The following SLC39A8 variants were observed in gnomAD, a reference collection of about 807,000 sequenced individuals.
The protein encoded by SLC39A8 is metal cation symporter ZIP8.
A neutral mutation model predicts 40.4 loss-of-function variants in SLC39A8; 15 were observed. The observed-to-expected ratio is 0.37, with a 90% CI of 0.25 to 0.57. The LOEUF (loss-of-function observed/expected upper bound fraction) is 0.57. SLC39A8 is among the 20% of genes least tolerant of loss of function. The probability of loss-of-function intolerance (pLI) is 0.75; values close to 1 mark genes in which losing one functional copy is unlikely to be tolerated. For synonymous variants in SLC39A8, 223 were observed against 221.6 expected (o/e 1.01, Z -0.06); for missense variants, 472 against 558.8 (o/e 0.84, Z 1.57).
chr4:102,258,408 G>T (rs1731762876), downstream of SLC39A8, among the ~76,000 whole-genome samples: 1 of 152,124 alleles, frequency 6.6e-6, no homozygotes, highest in Non-Finnish European at 1.5e-5. Flanking sequence ...GAAACTTGGG[G>T]TGGCACAATG....
At chr4:102,327,260 C>CA (rs1336388920) in intron 2 of SLC39A8, among the ~76,000 whole-genome samples, 1 of 152,048 alleles carries the variant, frequency 6.6e-6, no homozygotes, top group Non-Finnish European at 1.5e-5. Flanking sequence ...GACCCTGTCT[C>CA]AAAAAAATTG....
At chr4:102,258,600 T>C (rs116625317), downstream of SLC39A8, among the ~76,000 whole-genome samples, 1,598 of 152,350 alleles carry the variant, frequency 0.01, 28 homozygotes, top group African/African-American at 0.036. Flanking sequence ...TACTCCCCAC[T>C]GTTCACTAAT....
chr4:102,331,328 G>T (rs1735451430), intron 2 of SLC39A8, among the ~76,000 whole-genome samples: 1 of 152,190 alleles, frequency 6.6e-6, no homozygotes, highest in South Asian at 2.1e-4. Flanking sequence ...AGCAGTCTCA[G>T]GATACAGAAT....
chr4:102,286,657 T>C (rs1733195874), intron 6 of SLC39A8, among the ~76,000 whole-genome samples: 1 of 152,156 alleles, frequency 6.6e-6, no homozygotes, highest in Admixed American at 6.6e-5. Flanking sequence ...ATTGAGAAGC[T>C]TTAGGTGCAA....
intron 8 of SLC39A8, among the ~76,000 whole-genome samples, chr4:102,264,176 AG>A (rs1731989247): frequency 6.6e-6 from 1 of 152,190 alleles, no homozygotes; most frequent in Non-Finnish European, 1.5e-5. Context: ...CAGCAACTAG[AG>A]ACTTACAAAT....
At chr4:102,310,531 C>A (rs1032872454) in intron 3 of SLC39A8, among the ~76,000 whole-genome samples, 2 of 152,148 alleles carry the variant, frequency 1.3e-5, no homozygotes, top group Non-Finnish European at 2.9e-5. Context: ...AAATACCAAT[C>A]GATCTGCTTA....
chr4:102,316,234 T>C (rs900211058), intron 2 of SLC39A8, among the ~76,000 whole-genome samples: 4 of 152,182 alleles, frequency 2.6e-5, no homozygotes, highest in African/African-American at 9.6e-5. Context: ...GTCACTGGCA[T>C]GGCTCTCTAT....
intron 6 of SLC39A8, among the ~76,000 whole-genome samples, chr4:102,298,461 A>G (rs1733770296): frequency 6.6e-6 from 1 of 152,034 alleles, no homozygotes; most frequent in Non-Finnish European, 1.5e-5. Context: ...AGATCAGTGG[A>G]AATCATTTCT....
chr4:102,267,857 A>G lies in SLC39A8; in HGVS notation c.1048+15T>C. On this transcript the variant is annotated intron_variant, in intron 7 of 8. Transcript: ENST00000356736. ...GAAGTAAGCAGACTTTTACAATATG[A>G]ACAGAGCTCCTTACCTAACTCGTGG... 6.2e-7 allele frequency: 1 copy of G among 1,613,126 alleles called. No homozygotes were observed. Among genetic ancestry groups the G allele is most frequent in the Non-Finnish European group, 8.5e-7 (1 of 1,179,434 alleles).
At chr4:102,295,566 G>A (rs988814070) in intron 6 of SLC39A8, among the ~76,000 whole-genome samples, 2 of 151,962 alleles carry the variant, frequency 1.3e-5, no homozygotes, top group African/African-American at 4.8e-5. Context: ...GTTTAAGATA[G>A]GGTCTCACTG....
In SLC39A8 at chr4:102,263,052, A is replaced by G. The variant is rs1731936599; in HGVS notation, c.1375T>C (p.Leu459=). 2.5e-6 allele frequency: 4 copies of G among 1,607,240 alleles called. No homozygotes were observed. The highest frequency in any genetic ancestry group is 3.4e-6 in the Non-Finnish European group (4 of 1,176,068). Reference sequence around the variant, plus strand: ...CCATCTTCCATTTTCTATTACTCCAATTCGATTTCTCCTGCATACAAGGTA... The same window carrying G: ...CCATCTTCCATTTTCTATTACTCCAGTTCGATTTCTCCTGCATACAAGGTA... ...LITLYAGEIE[L]E The change falls in exon 9 of 9, where the codon TTG becomes CTG. Residue 459 remains leucine, a synonymous_variant. Coordinates refer to ENST00000356736, the MANE Select transcript of SLC39A8 (RefSeq NM_001135146.2).
chr4:102,261,061 C>G (rs908969501), downstream of SLC39A8, among the ~76,000 whole-genome samples: 1 of 152,226 alleles, frequency 6.6e-6, no homozygotes, highest in Non-Finnish European at 1.5e-5. Flanking sequence ...CAATCCAACA[C>G]AGACATTGCC....
intron 11 of SLC39A8, among the ~76,000 whole-genome samples, chr4:102,253,811 C>T (rs1332417444): frequency 6.6e-6 from 1 of 152,042 alleles, no homozygotes; most frequent in Non-Finnish European, 1.5e-5. Context: ...TACATACATA[C>T]ATATATAACA....
At chr4:102,257,097 T>C (rs975657190), downstream of SLC39A8, among the ~76,000 whole-genome samples, 4 of 151,908 alleles carry the variant, frequency 2.6e-5, no homozygotes, top group Middle Eastern at 3.2e-3. Flanking sequence ...CAAAGAATAA[T>C]TGTGTCTAAT....
intron 6 of SLC39A8, among the ~76,000 whole-genome samples, chr4:102,280,878 A>G (rs547182146): frequency 6.6e-6 from 1 of 152,250 alleles, no homozygotes; most frequent in African/African-American, 2.4e-5. Context: ...TAGTTTAATT[A>G]ATAATCAGTT....
At chr4:102,343,472 C>T (rs2149059438) in intron 2 of SLC39A8, among the ~76,000 whole-genome samples, 1 of 152,160 alleles carries the variant, frequency 6.6e-6, no homozygotes, top group South Asian at 2.1e-4. Context: ...AAATGACAAA[C>T]GATATGGAAA....
intron 2 of SLC39A8, among the ~76,000 whole-genome samples, chr4:102,324,873 C>G (rs901728271): frequency 6.6e-6 from 1 of 152,052 alleles, no homozygotes; most frequent in Non-Finnish European, 1.5e-5. Context: ...ACAAGTGAAC[C>G]GTCCCATTAA....
chr4:102,328,737 C>A (rs1735322130), intron 2 of SLC39A8, among the ~76,000 whole-genome samples: 1 of 152,098 alleles, frequency 6.6e-6, no homozygotes. Context: ...GCATATATAA[C>A]TGCAGGGGCC....
At chr4:102,319,513 T>G (rs1734812359) in intron 2 of SLC39A8, among the ~76,000 whole-genome samples, 1 of 152,180 alleles carries the variant, frequency 6.6e-6, no homozygotes, top group Admixed American at 6.6e-5. Flanking sequence ...TCACCCTCCA[T>G]GTCTGACCAC....
Sources: gnomAD v4.1 joint callset for allele counts (sites outside exome capture counted in the v4.1 genomes callset) on GRCh38, gnomAD v4.1.1 for gene constraint, MANE v1.5 for transcripts, NCBI Gene and HGNC (gene_info 2026-07-23, HGNC 2026-07-21) for gene names.